Variants in FRMD3 observed in about 807,000 individuals in gnomAD.
FRMD3 encodes the protein FERM domain-containing protein 3.
Under a neutral mutation model 70.2 loss-of-function variants are expected in FRMD3, and 33 were observed. That is an observed-to-expected ratio of 0.47 (90% CI 0.36 to 0.63). The LOEUF is 0.63. FRMD3 is among the 20% of genes least tolerant of loss of function. The pLI, the probability that FRMD3 is intolerant of heterozygous loss-of-function variation, is 0.00. For missense variants in FRMD3, 632 were observed against 711.4 expected (o/e 0.89, Z 1.27); for synonymous variants, 279 against 255.9 (o/e 1.09, Z -0.86).
intron 13 of FRMD3, 72 bp from the exon 14 acceptor site, chr9:83,248,588 GAA>G (rs779865114): frequency 9.0e-5 from 132 of 1,466,318 alleles, no homozygotes; most frequent in Non-Finnish European, 1.1e-4. Context: ...GGAAGAAACA[GAA>G]AAACAAAAAA....
the FRMD3 span, among the ~76,000 whole-genome samples, chr9:83,552,038 C>A: frequency 4.6e-5 from 7 of 151,868 alleles, no homozygotes; most frequent in South Asian, 2.1e-4. Flanking sequence ...GTTCTTGCTT[C>A]TTCAATTCTT....
chr9:83,460,226 C>T (rs959601870), intron 1 of FRMD3, among the ~76,000 whole-genome samples: 1 of 152,154 alleles, frequency 6.6e-6, no homozygotes, highest in Admixed American at 6.5e-5. Context: ...AAATAAATCA[C>T]CTGCACATAA....
intron 1 of FRMD3, among the ~76,000 whole-genome samples, chr9:83,455,473 A>C (rs770974927): frequency 6.0e-4 from 92 of 152,112 alleles, no homozygotes; most frequent in African/African-American, 1.9e-3. Context: ...AGGGGTTGCC[A>C]CTTTTGCTTC....
intron 1 of FRMD3, among the ~76,000 whole-genome samples, chr9:83,524,714 C>A (rs768891315): frequency 3.9e-5 from 6 of 152,182 alleles, no homozygotes; most frequent in Non-Finnish European, 8.8e-5. Context: ...CCTATAACAT[C>A]TCTGTTTAAA....
At chr9:83,526,858 T>C (rs1284703503) in intron 1 of FRMD3, among the ~76,000 whole-genome samples, 4 of 152,060 alleles carry the variant, frequency 2.6e-5, no homozygotes, top group Non-Finnish European at 4.4e-5. Flanking sequence ...CAAATGCTCT[T>C]CCTTTTTAGA....
chr9:83,368,352 G>A lies in FRMD3; in HGVS notation c.295+4561C>T, dbSNP rs373710203. Among the ~76,000 whole-genome samples the A allele has an allele frequency of 6.8e-5, 10 of 147,496 alleles. No individual in the cohort carries two copies. The East Asian group carries it at 1.8e-3, about 26-fold the overall frequency. ...TTATTTTATTTTATTATTTTTCTGA[G>A]ACAGAGTCTCACTCTGTCACCCAGG... On this transcript the variant is annotated intron_variant, in intron 3 of 13. Transcript: ENST00000304195.
downstream of FRMD3, among the ~76,000 whole-genome samples, chr9:83,244,388 T>G (rs1309612676): frequency 6.6e-6 from 1 of 152,208 alleles, no homozygotes; most frequent in East Asian, 1.9e-4. Flanking sequence ...ATATCATGAA[T>G]TAGATCAAGG....
At chr9:83,445,387 T>C (rs999715886) in intron 1 of FRMD3, among the ~76,000 whole-genome samples, 23 of 133,722 alleles carry the variant, frequency 1.7e-4, no homozygotes, top group Admixed American at 3.1e-4. Context: ...GATAGACAGA[T>C]AGATAAGATA....
chr9:83,323,842 C>T (rs1835906155), intron 6 of FRMD3, among the ~76,000 whole-genome samples: 1 of 152,210 alleles, frequency 6.6e-6, no homozygotes, highest in African/African-American at 2.4e-5. Flanking sequence ...ACCCTGGGAA[C>T]TCTCACCTAT....
chr9:83,477,928 G>A (rs1416845434), intron 1 of FRMD3, among the ~76,000 whole-genome samples: 1 of 152,058 alleles, frequency 6.6e-6, no homozygotes, highest in African/African-American at 2.4e-5. Flanking sequence ...CTCTTGGTTT[G>A]AAAAAAGGCA....
At chr9:83,450,648 T>C (rs1380371593) in intron 1 of FRMD3, among the ~76,000 whole-genome samples, 1 of 152,062 alleles carries the variant, frequency 6.6e-6, no homozygotes, top group East Asian at 1.9e-4. Flanking sequence ...CTCAGCTCCC[T>C]GGAAAGGGAA....
chr9:83,391,255 C>A (rs1825658014), intron 1 of FRMD3, among the ~76,000 whole-genome samples: 1 of 152,196 alleles, frequency 6.6e-6, no homozygotes, highest in Admixed American at 6.5e-5. Flanking sequence ...TTTTAAATGT[C>A]TGTAATTGTT....
chr9:83,458,557 C>T (rs1006457831), intron 1 of FRMD3, among the ~76,000 whole-genome samples: 11 of 152,304 alleles, frequency 7.2e-5, no homozygotes, highest in East Asian at 1.9e-4. Flanking sequence ...ACCATAAAGC[C>T]GAAGAGAAAA....
rs759733333 is a variant in FRMD3, at chr9:83,335,585, A to G, written c.527T>C (p.Phe176Ser). The G allele has an allele frequency of 2.9e-5, 47 of 1,613,192 alleles. No homozygotes were observed. The highest frequency in any genetic ancestry group is 3.9e-5 in the Non-Finnish European group (46 of 1,179,378). ...DEHPENYISE[F>S]EIFPKQSQKL... Reference sequence around the variant, plus strand: ...CTGTGACTGCTTGGGGAAAATCTCAAACTCACTGATGTAATTCTCAGGATG... The same window carrying G: ...CTGTGACTGCTTGGGGAAAATCTCAGACTCACTGATGTAATTCTCAGGATG... The change falls in exon 6 of 14, where the codon TTT becomes TCT. Residue 176 changes from phenylalanine (F) to serine (S), a missense_variant. By Grantham distance (155) the Phe-to-Ser change is radical (BLOSUM62 -2). Around this residue, in one of 3 missense-constraint regions of FRMD3, gnomAD observed 208 missense variants for 247.7 expected, o/e 0.84. Coordinates refer to ENST00000304195, the MANE Select transcript of FRMD3 (RefSeq NM_174938.6).
At chr9:83,469,912 G>C (rs138471520) in intron 1 of FRMD3, among the ~76,000 whole-genome samples, 3 of 152,170 alleles carry the variant, frequency 2.0e-5, no homozygotes, top group African/African-American at 7.2e-5. Context: ...AAACTCTTAC[G>C]CACGTTTGAA....
At chr9:83,467,523 AAAT>A (rs1828160865) in intron 1 of FRMD3, 2 of 855,122 alleles carry the variant, frequency 2.3e-6, no homozygotes, top group African/African-American at 3.3e-5. Context: ...GTTTCAGTGA[AAAT>A]AATTCAAAAC....
At chr9:83,333,076 G>A (rs1371910834) in intron 6 of FRMD3, among the ~76,000 whole-genome samples, 1 of 152,214 alleles carries the variant, frequency 6.6e-6, no homozygotes, top group Non-Finnish European at 1.5e-5. Context: ...ACGCAAGAAA[G>A]CTCCTCTCCC....
At chr9:83,402,588 G>C (rs1161221593) in intron 1 of FRMD3, among the ~76,000 whole-genome samples, 1 of 151,900 alleles carries the variant, frequency 6.6e-6, no homozygotes, top group Non-Finnish European at 1.5e-5. Flanking sequence ...AGGCTAATAA[G>C]AAAGGAAAAC....
intron 2 of FRMD3, among the ~76,000 whole-genome samples, chr9:83,378,537 TAATATACATATAAAATTTATATATATAA>T (rs1564047270): frequency 6.7e-5 from 2 of 29,910 alleles, no homozygotes; most frequent in East Asian, 5.0e-4. Flanking sequence ...TTTATATATA[TAATATACATATAAAATTTATATATATAA>T]AATATACATA....
Sources: allele counts gnomAD v4.1 joint callset (sites outside exome capture counted in the v4.1 genomes callset), GRCh38; gene constraint gnomAD v4.1.1; regional missense constraint gnomAD v4.1.1; transcripts MANE v1.5; gene names NCBI Gene and HGNC (gene_info 2026-07-23, HGNC 2026-07-21).